DNAJC6: variants seen among roughly 807,000 people sequenced by gnomAD.
DNAJC6 encodes DnaJ heat shock protein family (Hsp40) member C6.
In DNAJC6, 34 loss-of-function variants were observed where a neutral mutation model predicts 110.0. The observed-to-expected ratio is 0.31, with a 90% CI of 0.24 to 0.41. The LOEUF (loss-of-function observed/expected upper bound fraction) is 0.41. Ranked by LOEUF, DNAJC6 falls within the 10% of genes least tolerant of loss-of-function variation. The pLI, the probability that DNAJC6 is intolerant of heterozygous loss-of-function variation, is 1.00. For missense variants in DNAJC6, 1,031 were observed against 1,207.8 expected (o/e 0.85, Z 2.17); for synonymous variants, 406 against 437.2 (o/e 0.93, Z 0.89).
intron 16 of DNAJC6, among the ~76,000 whole-genome samples, chr1:65,407,211 C>G (rs546665793): frequency 1.3e-5 from 2 of 152,252 alleles, no homozygotes; most frequent in East Asian, 3.9e-4. Context: ...GTTGTATTCT[C>G]TACCCACCCA....
At chr1:65,405,393 G>A (rs564203958) in intron 15 of DNAJC6, among the ~76,000 whole-genome samples, 45 of 152,284 alleles carry the variant, frequency 3.0e-4, no homozygotes, top group Non-Finnish European at 5.4e-4. Context: ...CCTAATAATT[G>A]AAGTTTAAGT....
Position 65,384,177 on chromosome 1 carries a change from G to C in DNAJC6, c.667-16G>C. 6.8e-7 allele frequency: 1 copy of C among 1,461,890 alleles called. No homozygotes were observed. Among genetic ancestry groups the C allele is most frequent in the Non-Finnish European group, 9.1e-7 (1 of 1,104,860 alleles). 90.6% of individuals were successfully genotyped at this position (1,461,890 alleles called of 1,614,324 possible). A position where few individuals can be genotyped will look rare whatever the true frequency, so the allele number is the denominator to read the frequency against. Reference sequence around the variant, plus strand: ...TTGATCATGTTCATAATGATTTTATGCATTTTCTTTGACAGGATGGACGGG... The same window carrying C: ...TTGATCATGTTCATAATGATTTTATCCATTTTCTTTGACAGGATGGACGGG... On this transcript the variant is annotated splice_polypyrimidine_tract_variant and intron_variant, in intron 5 of 18. Transcript: ENST00000371069.
intron 1 of DNAJC6, among the ~76,000 whole-genome samples, chr1:65,353,628 A>C (rs1234137287): frequency 6.6e-6 from 1 of 152,154 alleles, no homozygotes; most frequent in Non-Finnish European, 1.5e-5. Context: ...TGTAGTCATT[A>C]CTTTGTATTT....
chr1:65,366,590 T>A (rs1406580926), intron 4 of DNAJC6, among the ~76,000 whole-genome samples: 12 of 152,182 alleles, frequency 7.9e-5, no homozygotes, highest in Admixed American at 7.9e-4. Flanking sequence ...GATAAGGCAG[T>A]GTGGATAGAC....
intron 18 of DNAJC6, 37 bp from the exon 19 acceptor site, chr1:65,412,887 C>T: frequency 6.4e-7 from 1 of 1,555,724 alleles, no homozygotes; most frequent in Admixed American, 1.9e-5. Context: ...AAATTTTGGT[C>T]TGTGGTATCT....
At chr1:65,289,230 C>G (rs1222747096) in intron 1 of DNAJC6, among the ~76,000 whole-genome samples, 1 of 152,028 alleles carries the variant, frequency 6.6e-6, no homozygotes, top group African/African-American at 2.4e-5. Flanking sequence ...GAGTCTCGCT[C>G]TGTTACCTAG....
Position 65,388,385 on chromosome 1 carries a change from C to T in DNAJC6, c.1163C>T (p.Pro388Leu). 6.2e-7 allele frequency: 1 copy of T among 1,614,018 alleles called. No homozygotes were observed. The highest frequency in any genetic ancestry group is 8.5e-7 in the Non-Finnish European group (1 of 1,179,998). Residue 388 changes from proline (P) to leucine (L), a missense_variant, in exon 9 of 19, where the codon CCA (proline) becomes CTA (leucine). By Grantham distance (98) the Pro-to-Leu change is moderately conservative (BLOSUM62 -3). Coordinates refer to ENST00000371069, the MANE Select transcript of DNAJC6 (RefSeq NM_001256864.2). Reference protein sequence around the residue: ...FQLQFHTGFIPLDTTVLKFTK... With the variant: ...FQLQFHTGFILLDTTVLKFTK... ...CTTCAGTTTCACACTGGATTCATACCACTGGACACAACAGTTTTAAAGTTC... is the reference window on the plus strand; with the variant it reads ...CTTCAGTTTCACACTGGATTCATACTACTGGACACAACAGTTTTAAAGTTC...
At position 65,408,738 on chromosome 1, in the gene DNAJC6, G is replaced by A; in HGVS notation, c.2589G>A (p.Met863Ile). 6.2e-7 allele frequency: 1 copy of A among 1,614,062 alleles called. No individual in the cohort carries two copies. Among genetic ancestry groups the A allele is most frequent in the Non-Finnish European group, 8.5e-7 (1 of 1,179,978 alleles). Residue 863 changes from methionine to isoleucine, a missense_variant, in exon 17 of 19, where the codon ATG becomes ATA. Coordinates refer to ENST00000371069, the MANE Select transcript of DNAJC6 (RefSeq NM_001256864.2). ...AGGGGCCTCGGACAATAGCTGAGAT[G>A]AGAAAGGAGGAAATGGCCAAGGAAA... Reference protein sequence around the residue: ...DKKGPRTIAEMRKEEMAKEMD... With the variant: ...DKKGPRTIAEIRKEEMAKEMD...
chr1:65,411,632 T>G (rs1228653802), intron 18 of DNAJC6, among the ~76,000 whole-genome samples: 1 of 152,130 alleles, frequency 6.6e-6, no homozygotes, highest in Non-Finnish European at 1.5e-5. Flanking sequence ...GGGGCTTATT[T>G]AGAGAGAGTA....
intron 18 of DNAJC6, 137 bp downstream of exon 18, chr1:65,411,563 T>C (rs1010350646): frequency 2.6e-6 from 2 of 770,510 alleles, no homozygotes; most frequent in African/African-American, 3.5e-5. Context: ...AAATCAGATA[T>C]TTAAACAAAT....
At chr1:65,293,189 C>A (rs1281555123) in intron 1 of DNAJC6, among the ~76,000 whole-genome samples, 1 of 152,214 alleles carries the variant, frequency 6.6e-6, no homozygotes, top group Non-Finnish European at 1.5e-5. Context: ...CTGGGAAAGT[C>A]AAGATAAAGG....
At chr1:65,368,952 A>G (rs896785941) in intron 4 of DNAJC6, among the ~76,000 whole-genome samples, 6 of 151,786 alleles carry the variant, frequency 4.0e-5, no homozygotes, top group African/African-American at 1.5e-4. Flanking sequence ...TTGTATATTT[A>G]GTAGAGACGA....
chr1:65,299,463 G>A lies in DNAJC6; in HGVS notation c.-131+34531G>A, dbSNP rs114540838. Among the ~76,000 whole-genome samples, 775 of 152,326 alleles carry A rather than the reference G, an allele frequency of 5.1e-3. 9 individuals are homozygous for A. Among genetic ancestry groups the A allele is most frequent in the African/African-American group, 0.017 (727 of 41,554 alleles). On this transcript the variant is annotated intron_variant, in intron 1 of 19. Transcript: ENST00000263441. Reference sequence around the variant, plus strand: ...CTCTGGGCTGGGTCTGTCCTGAAAGGCAGTCTCTGGATAGCAGGATGAGAT... The same window carrying A: ...CTCTGGGCTGGGTCTGTCCTGAAAGACAGTCTCTGGATAGCAGGATGAGAT...
At chr1:65,351,415 T>C (rs1645488911) in intron 1 of DNAJC6, among the ~76,000 whole-genome samples, 1 of 152,194 alleles carries the variant, frequency 6.6e-6, no homozygotes, top group Non-Finnish European at 1.5e-5. Context: ...GGTTGTGGGT[T>C]CATATTTTAG....
At chr1:65,411,101 A>C (rs1249452656) in intron 17 of DNAJC6, 149 bp from the exon 18 acceptor site, 1 of 641,708 alleles carries the variant, frequency 1.6e-6, no homozygotes, top group Non-Finnish European at 2.5e-6. Flanking sequence ...GAGGAGAAGC[A>C]TTCCAGGTAG....
intron 1 of DNAJC6, among the ~76,000 whole-genome samples, chr1:65,296,803 G>C (rs1208058297): frequency 6.6e-6 from 1 of 152,018 alleles, no homozygotes; most frequent in African/African-American, 2.4e-5. Context: ...GGCCAGGCTG[G>C]TCTTGAACTC....
At chr1:65,282,694 G>A (rs577031383) in intron 1 of DNAJC6, among the ~76,000 whole-genome samples, 1 of 152,322 alleles carries the variant, frequency 6.6e-6, no homozygotes, top group African/African-American at 2.4e-5. Flanking sequence ...TTCCTCTTAT[G>A]TGTCTCCTGG....
intron 1 of DNAJC6, among the ~76,000 whole-genome samples, chr1:65,352,255 T>C (rs1457447527): frequency 7.2e-5 from 11 of 152,154 alleles, no homozygotes; most frequent in Admixed American, 7.2e-4. Flanking sequence ...CTGGGTTCTT[T>C]CCTCTCATTG....
At chr1:65,388,285 G>C (rs957208114) in intron 8 of DNAJC6, 51 bp from the exon 9 acceptor site, 2 of 1,509,778 alleles carry the variant, frequency 1.3e-6, no homozygotes, top group Non-Finnish European at 1.8e-6. Flanking sequence ...CTTTTGATCA[G>C]ATTCCCTTTT....
Sources: allele counts gnomAD v4.1 joint callset (sites outside exome capture counted in the v4.1 genomes callset), GRCh38; gene constraint gnomAD v4.1.1; transcripts MANE v1.5; gene names NCBI Gene and HGNC (gene_info 2026-07-23, HGNC 2026-07-21).